PRDM2: variants seen among roughly 807,000 people sequenced by gnomAD.
The protein encoded by PRDM2 is PR domain zinc finger protein 2.
A neutral mutation model predicts 130.0 loss-of-function variants in PRDM2; 30 were observed. That is an observed-to-expected ratio of 0.23 (90% CI 0.17 to 0.31). The LOEUF is 0.31. Among genes scored for constraint, PRDM2 ranks in the 10% least tolerant of loss-of-function variants. The probability of loss-of-function intolerance (pLI) is 1.00; values close to 1 mark genes in which losing one functional copy is unlikely to be tolerated. For missense variants in PRDM2, 2,011 were observed against 2,108.4 expected (o/e 0.95, Z 0.90); for synonymous variants, 871 against 782.4 (o/e 1.11, Z -1.89).
chr1:13,732,354 A>G (rs1469792730), intron 3 of PRDM2, among the ~76,000 whole-genome samples: 2 of 152,184 alleles, frequency 1.3e-5, no homozygotes, highest in Non-Finnish European at 2.9e-5. Context: ...TATAAGAACA[A>G]GTCATGTTCA....
At chr1:13,712,560 T>C (rs965674712) in intron 1 of PRDM2, among the ~76,000 whole-genome samples, 1 of 152,048 alleles carries the variant, frequency 6.6e-6, no homozygotes, top group African/African-American at 2.4e-5. Flanking sequence ...CTCGAGACCA[T>C]CATGGCCAAC....
At chr1:13,763,445 T>A (rs1289516243) in intron 6 of PRDM2, among the ~76,000 whole-genome samples, 1 of 152,196 alleles carries the variant, frequency 6.6e-6, no homozygotes, top group African/African-American at 2.4e-5. Context: ...CTTTAAAGTC[T>A]TTATAACTGT....
rs576041050 is a variant in PRDM2, at chr1:13,771,559, G to A, written c.512-1519G>A. Among the ~76,000 whole-genome samples the A allele has an allele frequency of 3.9e-5, 6 of 152,204 alleles. No homozygotes were observed. The highest frequency in any genetic ancestry group is 1.2e-4 in the African/African-American group (5 of 41,514). On this transcript the variant is annotated intron_variant, in intron 6 of 9. Coordinates refer to ENST00000311066, the MANE Select transcript of PRDM2 (RefSeq NM_001393986.1). The surrounding 1 kb of genome is among the most constrained non-coding windows in gnomAD (Gnocchi z 4.1). ...ATCCTGGCTAAGATGGTGAAACCCC[G>A]TCTCTACTAAAATACGAAAAATTAG...
intron 9 of PRDM2, among the ~76,000 whole-genome samples, chr1:13,818,120 C>T (rs1032355969): frequency 6.6e-6 from 1 of 152,106 alleles, no homozygotes; most frequent in African/African-American, 2.4e-5. Context: ...TGGCACAGGC[C>T]CATCCTGGTG....
intron 5 of PRDM2, among the ~76,000 whole-genome samples, chr1:13,744,996 A>G (rs752089569): frequency 4.6e-5 from 7 of 152,232 alleles, no homozygotes; most frequent in Non-Finnish European, 7.3e-5. Context: ...ATGATTAGAA[A>G]TGATTTAAAA....
intron 1 of PRDM2, among the ~76,000 whole-genome samples, chr1:13,704,104 G>T (rs1642140264): frequency 6.6e-6 from 1 of 152,166 alleles, no homozygotes; most frequent in Admixed American, 6.5e-5. Flanking sequence ...TGTGGCATAC[G>T]TAATCTTTAG....
In PRDM2 at chr1:13,780,875, T is replaced by C; in HGVS notation, c.3080T>C (p.Val1027Ala). 6.2e-7 allele frequency: 1 copy of C among 1,610,976 alleles called. No individual in the cohort carries two copies. Among genetic ancestry groups the C allele is most frequent in the Non-Finnish European group, 8.5e-7 (1 of 1,178,500 alleles). ...QSPLPILSPT[V>A]SPSPSPIPPV... is the part of the protein sequence containing the mutation. ...CCACTTCCAATTCTGTCCCCAACAGTGTCCCCCTCTCCCTCTCCCATTCCT... is the reference window on the plus strand; with the variant it reads ...CCACTTCCAATTCTGTCCCCAACAGCGTCCCCCTCTCCCTCTCCCATTCCT... The change falls in exon 8 of 10, where the codon GTG becomes GCG. Residue 1027 changes from valine (V) to alanine (A), a missense_variant. Coordinates refer to ENST00000311066, the MANE Select transcript of PRDM2 (RefSeq NM_001393986.1).
chr1:13,786,743 T>G (rs1238081247), intron 8 of PRDM2: 2 of 1,401,426 alleles, frequency 1.4e-6, no homozygotes, highest in Non-Finnish European at 1.9e-6. Flanking sequence ...GGCGCCCGGG[T>G]GATTGAGATC....
chr1:13,789,073 G>T (rs552314666), intron 8 of PRDM2, among the ~76,000 whole-genome samples: 2 of 152,138 alleles, frequency 1.3e-5, no homozygotes, highest in African/African-American at 2.4e-5. Context: ...AGTGTCCCTG[G>T]CTCTGCCTGG....
chr1:13,719,171 A>G lies in PRDM2; in HGVS notation c.9+3557A>G, dbSNP rs147057456. Among the ~76,000 whole-genome samples, 5 of 152,356 alleles carry G rather than the reference A, an allele frequency of 3.3e-5. No individual in the cohort carries two copies. The East Asian group carries it at 7.7e-4, about 24-fold the overall frequency. On this transcript the variant is annotated intron_variant, in intron 2 of 9. Transcript: ENST00000311066. ...AGGTGAAAGAAGGTCTTTGGATTAC[A>G]TGGTCAGAGAAGGCTACTCTGTGGA...
chr1:13,787,504 A>C, intron 8 of PRDM2: 2 of 984,622 alleles, frequency 2.0e-6, no homozygotes, highest in Non-Finnish European at 2.4e-6. Context: ...TCTACCTCTG[A>C]AAAATTTGTA....
At position 13,772,101 on chromosome 1, in the gene PRDM2, G is replaced by A. The variant is rs534577239; in HGVS notation, c.512-977G>A. On this transcript the variant is annotated intron_variant, in intron 6 of 9. Coordinates refer to ENST00000311066, the MANE Select transcript of PRDM2 (RefSeq NM_001393986.1). ...CAGAGGCTTGTAGTTCTGGAAGCTGGTGGAGGTTTGTCTGGGGGAGAGCAG... is the reference window on the plus strand; with the variant it reads ...CAGAGGCTTGTAGTTCTGGAAGCTGATGGAGGTTTGTCTGGGGGAGAGCAG... 3.9e-5 allele frequency: 6 copies of A among 152,406 alleles called. No homozygotes were observed. The East Asian group carries it at 9.6e-4, about 24-fold the overall frequency. The allele number at this position is 152,406 out of a possible 1,614,324, so 9.4% of individuals were successfully genotyped here.
rs977832876 is a variant in PRDM2 at position 13,771,103 on chromosome 1, A to G, written c.512-1975A>G. Among the ~76,000 whole-genome samples, 1 of 152,228 alleles carries G rather than the reference A, an allele frequency of 6.6e-6. No individual in the cohort carries two copies. The highest frequency in any genetic ancestry group is 6.5e-5 in the Admixed American group (1 of 15,284). Reference sequence around the variant, plus strand: ...ACTGGATCCCTGAAGAACCTTTGTCATTATCTGATTTAGACAAAATGCTGT... The same window carrying G: ...ACTGGATCCCTGAAGAACCTTTGTCGTTATCTGATTTAGACAAAATGCTGT... On this transcript the variant is annotated intron_variant, in intron 6 of 9. Coordinates refer to ENST00000311066, the MANE Select transcript of PRDM2 (RefSeq NM_001393986.1). This position sits in a 1 kb window ranked among gnomAD's most constrained non-coding sequence, Gnocchi z 4.1.
chr1:13,728,386 A>G (rs1365069581), intron 2 of PRDM2, among the ~76,000 whole-genome samples: 1 of 152,218 alleles, frequency 6.6e-6, no homozygotes, highest in African/African-American at 2.4e-5. Flanking sequence ...GGGTGGTTCT[A>G]TTTCAGAAGT....
At chr1:13,731,179 C>T (rs1643094903) in intron 3 of PRDM2, 62 bp downstream of exon 3, 4 of 1,311,464 alleles carry the variant, frequency 3.1e-6, no homozygotes, top group Non-Finnish European at 4.4e-6. Context: ...AGTGAGGCTT[C>T]CTGCAGGGGC....
intron 7 of PRDM2, among the ~76,000 whole-genome samples, chr1:13,777,295 C>T (rs1644496455): frequency 1.3e-5 from 2 of 152,134 alleles, no homozygotes; most frequent in South Asian, 2.1e-4. Flanking sequence ...TGCATTGGGC[C>T]CCATCTTTCC....
chr1:13,779,650 C>T lies in PRDM2; in HGVS notation c.1855C>T (p.Pro619Ser), dbSNP rs150796456. 2.9e-4 allele frequency: 460 copies of T among 1,613,874 alleles called. No individual in the cohort carries two copies. The highest frequency in any genetic ancestry group is 3.0e-4 in the Non-Finnish European group (351 of 1,180,002). ...ITQNIKTTQV[P>S]VTEDLPKEPL... is the part of the protein sequence containing the mutation. Reference sequence around the variant, plus strand: ...TCAAAATATAAAGACCACACAGGTCCCTGTAACAGAAGATCTTCCTAAAGA... The same window carrying T: ...TCAAAATATAAAGACCACACAGGTCTCTGTAACAGAAGATCTTCCTAAAGA... The change falls in exon 8 of 10, where the codon CCT becomes TCT. Residue 619 changes from proline (P) to serine (S), a missense_variant. Pro to Ser is a moderately conservative substitution (Grantham distance 74). Coordinates refer to ENST00000311066, the MANE Select transcript of PRDM2 (RefSeq NM_001393986.1). This position sits in a 1 kb window ranked among gnomAD's most constrained non-coding sequence, Gnocchi z 4.9.
chr1:13,806,136 C>G lies in PRDM2; in HGVS notation c.5037-10291C>G, dbSNP rs527571052. On this transcript the variant is annotated intron_variant, in intron 8 of 9. Coordinates refer to ENST00000311066, the MANE Select transcript of PRDM2 (RefSeq NM_001393986.1). This position sits in a 1 kb window ranked among gnomAD's most constrained non-coding sequence, Gnocchi z 4.1. The stretch of plus-strand genomic sequence containing the variant: ...AGTCCCATCTCCCTTGGCCCATCTG[C>G]GGCAGTGGACGCTGTTAATCCTTCT... Among the ~76,000 whole-genome samples, 8 of 151,998 alleles carry G rather than the reference C, an allele frequency of 5.3e-5. No homozygotes were observed. The highest frequency in any genetic ancestry group is 1.5e-5 in the Non-Finnish European group (1 of 67,976).
chr1:13,721,450 C>A (rs932968617), intron 2 of PRDM2, among the ~76,000 whole-genome samples: 1 of 151,364 alleles, frequency 6.6e-6, no homozygotes, highest in Admixed American at 6.6e-5. Context: ...CTGATTTTTT[C>A]ACTTTAAAAA....
Sources: gnomAD v4.1 joint callset for allele counts (sites outside exome capture counted in the v4.1 genomes callset) on GRCh38, gnomAD v4.1.1 for gene constraint, Gnocchi (gnomAD v3.1) non-coding constraint, MANE v1.5 for transcripts, NCBI Gene and HGNC (gene_info 2026-07-23, HGNC 2026-07-21) for gene names.